The following STAG1 variants were observed in gnomAD, a reference collection of about 807,000 sequenced individuals.
STAG1 encodes the protein STAG1 cohesin complex component, also known as cohesin subunit SA-1.
STAG1 carries 26 observed loss-of-function variants against 170.9 expected under a neutral mutation model. The observed-to-expected ratio is 0.15, with a 90% CI of 0.11 to 0.21. The LOEUF (loss-of-function observed/expected upper bound fraction) is 0.21, where lower values mean the gene tolerates loss of function less well. Among genes scored for constraint, STAG1 ranks in the 10% least tolerant of loss-of-function variants. The probability of loss-of-function intolerance (pLI) is 1.00; values close to 1 mark genes in which losing one functional copy is unlikely to be tolerated. For missense variants in STAG1, 964 were observed against 1,509.5 expected, an observed-to-expected ratio of 0.64 and a Z score of 5.99; for synonymous variants, 514 against 497.7, an observed-to-expected ratio of 1.03 and a Z score of -0.44.
At chr3:136,432,450 T>C (rs2088331440) in intron 16 of STAG1, among the ~76,000 whole-genome samples, 1 of 149,084 alleles carries the variant, frequency 6.7e-6, no homozygotes, top group Non-Finnish European at 1.5e-5. Flanking sequence ...GTAGTTTTTC[T>C]TGAAAGTAGA....
intron 1 of STAG1, among the ~76,000 whole-genome samples, chr3:136,668,295 A>AATATATATTATACATGAC (rs1199712953): frequency 6.8e-5 from 10 of 146,964 alleles, no homozygotes; most frequent in Admixed American, 1.4e-4. Context: ...CATGATATAT[A>AATATATATTATACATGAC]ATATATATTA....
Position 136,338,354 on chromosome 3 carries a change from ATAAT to A in STAG1, c.3753+12_3753+15del. 6.2e-7 allele frequency: 1 copy of A among 1,605,790 alleles called. No individual in the cohort carries two copies. The highest frequency in any genetic ancestry group is 2.2e-5 in the East Asian group (1 of 44,810). On this transcript the variant is annotated intron_variant, in intron 33 of 33. Transcript: ENST00000383202. ...CAGGAACCATAAATAAAAAGCAGTA[ATAAT>A]TTGACATTTACTGAATCATCTTCTA... is the stretch of plus-strand genomic sequence containing the variant.
chr3:136,641,965 A>C (rs1162860003), intron 1 of STAG1, among the ~76,000 whole-genome samples: 4 of 152,198 alleles, frequency 2.6e-5, no homozygotes, highest in Non-Finnish European at 5.9e-5. Flanking sequence ...ACTAAAATAC[A>C]ACTCAATAAA....
intron 1 of STAG1, among the ~76,000 whole-genome samples, chr3:136,655,424 C>T (rs1941340742): frequency 6.6e-6 from 1 of 152,170 alleles, no homozygotes; most frequent in South Asian, 2.1e-4. Context: ...ATCAAAACCA[C>T]AGTAAGATAA....
At chr3:136,386,496 C>T (rs552005569) in intron 22 of STAG1, among the ~76,000 whole-genome samples, 78 of 152,188 alleles carry the variant, frequency 5.1e-4, no homozygotes, top group African/African-American at 1.8e-3. Context: ...AATTTGACAT[C>T]TTAGGAAGAA....
At position 136,678,320 on chromosome 3, in the gene STAG1, T is replaced by C. The variant is rs914588699; in HGVS notation, c.-83-47339A>G. Reference sequence around the variant, plus strand: ...AAAATAAATCAATATAGTATTGATATAGAAACACATCAATATATAAATAAA... The same window carrying C: ...AAAATAAATCAATATAGTATTGATACAGAAACACATCAATATATAAATAAA... On this transcript the variant is annotated intron_variant, in intron 1 of 33. Transcript: ENST00000383202. 2.9e-4 allele frequency among the ~76,000 whole-genome samples: 44 copies of C among 151,618 alleles called. 1 individual carries two copies. The highest frequency in any genetic ancestry group is 1.0e-3 in the African/African-American group (43 of 41,430).
At chr3:136,711,809 A>T (rs192419063) in intron 1 of STAG1, among the ~76,000 whole-genome samples, 52 of 152,302 alleles carry the variant, frequency 3.4e-4, no homozygotes, top group Non-Finnish European at 6.0e-4. Context: ...TGAAAAAAAA[A>T]TAAAACTTGA....
At chr3:136,527,818 C>T (rs983990302) in intron 6 of STAG1, among the ~76,000 whole-genome samples, 1 of 152,190 alleles carries the variant, frequency 6.6e-6, no homozygotes, top group Admixed American at 6.5e-5. Flanking sequence ...AGACCCTCAG[C>T]TGCAGGTCTG....
At chr3:136,733,298 CTGG>C (rs1934148999) in intron 1 of STAG1, among the ~76,000 whole-genome samples, 1 of 151,876 alleles carries the variant, frequency 6.6e-6, no homozygotes, top group Non-Finnish European at 1.5e-5. Context: ...GTTGCCCAGG[CTGG>C]TCTCAAACTT....
intron 5 of STAG1, among the ~76,000 whole-genome samples, chr3:136,564,991 AAGGAAGGAAGGAAGGAAGGAAGGC>A (rs1426481730): frequency 1.2e-5 from 1 of 80,628 alleles, no homozygotes; most frequent in Non-Finnish European, 2.3e-5. Context: ...GGAAGGAAGG[AAGGAAGGAAGGAAGGAAGGAAGGC>A]AGGCAGGCAG....
At chr3:136,731,397 T>A (rs1934032781) in intron 1 of STAG1, among the ~76,000 whole-genome samples, 1 of 152,200 alleles carries the variant, frequency 6.6e-6, no homozygotes, top group African/African-American at 2.4e-5. Flanking sequence ...ATAGAATTTG[T>A]CAAGCAGAAT....
chr3:136,738,053 G>T (rs1214925899), intron 1 of STAG1, among the ~76,000 whole-genome samples: 1 of 152,082 alleles, frequency 6.6e-6, no homozygotes, highest in Non-Finnish European at 1.5e-5. Context: ...AGGCGACACA[G>T]TGAGACTCTG....
intron 5 of STAG1, among the ~76,000 whole-genome samples, chr3:136,565,828 G>A (rs375954987): frequency 6.6e-5 from 10 of 152,270 alleles, no homozygotes; most frequent in East Asian, 3.9e-4. Context: ...ATATACATAC[G>A]ATGGATTATT....
chr3:136,688,557 A>G (rs1041855735), intron 1 of STAG1, among the ~76,000 whole-genome samples: 2 of 152,058 alleles, frequency 1.3e-5, no homozygotes, highest in African/African-American at 2.4e-5. Flanking sequence ...GCGCCCAGCT[A>G]ATTTTTATAT....
chr3:136,473,000 C>A (rs528346840), intron 11 of STAG1, among the ~76,000 whole-genome samples: 1 of 152,280 alleles, frequency 6.6e-6, no homozygotes, highest in South Asian at 2.1e-4. Flanking sequence ...TCTGTATTTA[C>A]AGCTGTTCTC....
At chr3:136,723,851 C>T (rs1173512538) in intron 1 of STAG1, among the ~76,000 whole-genome samples, 41 of 147,984 alleles carry the variant, frequency 2.8e-4, no homozygotes, top group African/African-American at 9.7e-4. Context: ...AGCCCCCCGC[C>T]CGGCCAGCCG....
At chr3:136,679,416 C>G in intron 1 of STAG1, among the ~76,000 whole-genome samples, 1 of 149,234 alleles carries the variant, frequency 6.7e-6, no homozygotes, top group South Asian at 2.1e-4. Context: ...CACATCTCTA[C>G]AAAAAAAAAT....
chr3:136,640,173 A>T (rs1487324288), intron 1 of STAG1, among the ~76,000 whole-genome samples: 2 of 152,220 alleles, frequency 1.3e-5, no homozygotes, highest in Non-Finnish European at 2.9e-5. Flanking sequence ...ATAAGGCCAA[A>T]ATCAAATAAA....
At chr3:136,382,429 T>C (rs1432069492) in intron 22 of STAG1, among the ~76,000 whole-genome samples, 6 of 145,922 alleles carry the variant, frequency 4.1e-5, no homozygotes, top group Non-Finnish European at 9.0e-5. Context: ...TGAGACAGAG[T>C]TTTGCTTTTA....
Sources: gnomAD v4.1 joint callset for allele counts (sites outside exome capture counted in the v4.1 genomes callset) on GRCh38, gnomAD v4.1.1 for gene constraint, MANE v1.5 for transcripts, NCBI Gene and HGNC (gene_info 2026-07-23, HGNC 2026-07-21) for gene names.